The following VPS41 variants were observed in gnomAD, a reference collection of about 807,000 sequenced individuals.
VPS41 encodes the protein VPS41 subunit of HOPS complex, also known as vacuolar protein sorting-associated protein 41 homolog.
Under a neutral mutation model 130.9 loss-of-function variants are expected in VPS41, and 85 were observed. The observed-to-expected ratio is 0.65, with a 90% confidence interval of 0.55 to 0.78. The LOEUF (loss-of-function observed/expected upper bound fraction) is 0.78. VPS41 is among the 30% of genes least tolerant of loss of function. The pLI, the probability that VPS41 is intolerant of heterozygous loss-of-function variation, is 0.00. For synonymous variants in VPS41, 335 were observed against 332.9 expected, an observed-to-expected ratio of 1.01 and a Z score of -0.07; for missense variants, 874 against 1,018.7, an observed-to-expected ratio of 0.86 and a Z score of 1.93.
At chr7:38,868,312 G>A (rs1786271250) in intron 3 of VPS41, among the ~76,000 whole-genome samples, 1 of 152,136 alleles carries the variant, frequency 6.6e-6, no homozygotes. Flanking sequence ...GAGAAAGCAG[G>A]CATACATTCT....
intron 25 of VPS41, among the ~76,000 whole-genome samples, chr7:38,741,582 T>C (rs879527720): frequency 1.3e-5 from 2 of 152,212 alleles, no homozygotes; most frequent in Non-Finnish European, 2.9e-5. Context: ...CTGAAAAACA[T>C]TTTTGTTAAT....
intron 7 of VPS41, among the ~76,000 whole-genome samples, chr7:38,797,727 A>T (rs761883565): frequency 1.3e-5 from 2 of 152,232 alleles, no homozygotes; most frequent in Non-Finnish European, 2.9e-5. Flanking sequence ...AGTCTACCTT[A>T]GTATATTTTA....
At chr7:38,729,573 T>A (rs1175303727) in intron 25 of VPS41, among the ~76,000 whole-genome samples, 2 of 152,254 alleles carry the variant, frequency 1.3e-5, no homozygotes, top group East Asian at 3.8e-4. Flanking sequence ...TTACACATTT[T>A]TCTTATTCCC....
Position 38,898,118 on chromosome 7 carries a change from G to C in VPS41, c.33C>G (p.Ser11=), listed in dbSNP as rs1787052485. The C allele has an allele frequency of 1.2e-6, 2 of 1,613,434 alleles. No individual in the cohort carries two copies. Among genetic ancestry groups the C allele is most frequent in the Non-Finnish European group, 1.7e-6 (2 of 1,179,662 alleles). Residue 11 remains serine, a synonymous_variant, in exon 2 of 29, where the codon TCC becomes TCG. Coordinates refer to ENST00000310301, the MANE Select transcript of VPS41 (RefSeq NM_014396.4). MAEAEEQETG[S]LEESTDESEE... is the part of the protein sequence containing the mutation. ...CAGACTCATCTGTAGATTCTTCAAG[G>C]GACCCAGTTTCCTATAAAGCATAGA...
intron 25 of VPS41, among the ~76,000 whole-genome samples, chr7:38,737,736 G>A (rs1415399727): frequency 6.6e-6 from 1 of 152,102 alleles, no homozygotes; most frequent in Non-Finnish European, 1.5e-5. Context: ...CCATCACAGT[G>A]GAAACTCCTG....
intron 23 of VPS41, among the ~76,000 whole-genome samples, chr7:38,745,129 T>A (rs1795961576): frequency 6.6e-6 from 1 of 152,168 alleles, no homozygotes; most frequent in South Asian, 2.1e-4. Context: ...CTAGATTATA[T>A]TAAAAAGCTC....
At chr7:38,853,656 T>C (rs1338625272) in intron 4 of VPS41, among the ~76,000 whole-genome samples, 2 of 151,986 alleles carry the variant, frequency 1.3e-5, no homozygotes, top group Non-Finnish European at 2.9e-5. Flanking sequence ...GAACTGAGAG[T>C]ACCCTGTACT....
At chr7:38,727,717 T>C (rs774010269) in intron 27 of VPS41, among the ~76,000 whole-genome samples, 12 of 152,208 alleles carry the variant, frequency 7.9e-5, no homozygotes, top group Non-Finnish European at 1.3e-4. Flanking sequence ...GACTGCCCCA[T>C]GAAATAATCC....
chr7:38,776,538 G>T, intron 11 of VPS41, 141 bp downstream of exon 11: 1 of 530,174 alleles, frequency 1.9e-6, no homozygotes, highest in Non-Finnish European at 3.5e-6. Flanking sequence ...AGGTCTAAAG[G>T]GTAATCTCTG....
intron 17 of VPS41, among the ~76,000 whole-genome samples, chr7:38,762,014 T>C (rs10242807): frequency 0.29 from 43,875 of 152,106 alleles, 7,162 homozygotes; most frequent in Non-Finnish European, 0.38. Flanking sequence ...GCCTCATTTT[T>C]TCTTTTCCCT....
At chr7:38,753,811 CAA>C (rs1391299547) in intron 21 of VPS41, among the ~76,000 whole-genome samples, 1 of 151,784 alleles carries the variant, frequency 6.6e-6, no homozygotes, top group Non-Finnish European at 1.5e-5. Flanking sequence ...AGCATCTGAG[CAA>C]AAGAGAAAAA....
chr7:38,739,869 A>T (rs1045323143), intron 25 of VPS41, among the ~76,000 whole-genome samples: 2 of 152,266 alleles, frequency 1.3e-5, no homozygotes, highest in Admixed American at 1.3e-4. Context: ...GCTCTAATTA[A>T]GAAAAAATAT....
At chr7:38,852,708 C>T (rs1442267652) in intron 4 of VPS41, among the ~76,000 whole-genome samples, 1 of 152,152 alleles carries the variant, frequency 6.6e-6, no homozygotes, top group Admixed American at 6.5e-5. Context: ...GTATACACTA[C>T]CATTTTGAAG....
chr7:38,842,138 A>G (rs368165320), intron 4 of VPS41, among the ~76,000 whole-genome samples: 1 of 152,184 alleles, frequency 6.6e-6, no homozygotes, highest in African/African-American at 2.4e-5. Flanking sequence ...CCAGAGTACT[A>G]AGAGTCATCC....
rs1267696581 is a variant in VPS41, at chr7:38,772,564, T to C, written c.1086A>G (p.Gln362=). 2.5e-6 allele frequency: 4 copies of C among 1,613,540 alleles called. No individual in the cohort carries two copies. Among genetic ancestry groups the C allele is most frequent in the South Asian group, 2.2e-5 (2 of 91,056 alleles). The change falls in exon 13 of 29, where the codon CAA becomes CAG. Residue 362 remains glutamine, a synonymous_variant. Coordinates refer to ENST00000310301, the MANE Select transcript of VPS41 (RefSeq NM_014396.4). Reference sequence around the variant, plus strand: ...CAAGGAGCCAGTCAATGTGATCATCTTGGTCTCGTTCCTTGGCCACTACAA... The same window carrying C: ...CAAGGAGCCAGTCAATGTGATCATCCTGGTCTCGTTCCTTGGCCACTACAA... ...RDVVVAKERD[Q]DDHIDWLLEK...
At chr7:38,904,575 A>G (rs1012490003) in intron 1 of VPS41, among the ~76,000 whole-genome samples, 3 of 152,224 alleles carry the variant, frequency 2.0e-5, no homozygotes, top group Admixed American at 2.0e-4. Flanking sequence ...TCTTATTTAT[A>G]CAACCATTTC....
At chr7:38,731,331 T>G (rs2115561411) in intron 25 of VPS41, among the ~76,000 whole-genome samples, 1 of 152,298 alleles carries the variant, frequency 6.6e-6, no homozygotes, top group East Asian at 1.9e-4. Flanking sequence ...GACAAGGCAT[T>G]ATGTTGACTA....
At chr7:38,762,855 C>T (rs899250135) in intron 17 of VPS41, among the ~76,000 whole-genome samples, 2 of 152,156 alleles carry the variant, frequency 1.3e-5, no homozygotes, top group Non-Finnish European at 2.9e-5. Context: ...AAAACATCTA[C>T]AATCTCTAAG....
chr7:38,758,875 C>T (rs571121735), intron 17 of VPS41, among the ~76,000 whole-genome samples: 2 of 152,308 alleles, frequency 1.3e-5, no homozygotes, highest in Admixed American at 6.5e-5. Flanking sequence ...CTTTGGAGGG[C>T]TCCCCAAGAG....
Sources: allele counts gnomAD v4.1 joint callset (sites outside exome capture counted in the v4.1 genomes callset), GRCh38; gene constraint gnomAD v4.1.1; transcripts MANE v1.5; gene names NCBI Gene and HGNC (gene_info 2026-07-23, HGNC 2026-07-21).